The following UNC13B variants were observed in gnomAD, a reference collection of about 807,000 sequenced individuals.
UNC13B encodes the protein unc-13 homolog B, also known as protein unc-13 homolog B.
UNC13B carries 144 observed loss-of-function variants against 211.0 expected under a neutral mutation model. The ratio of observed to expected loss-of-function variants is 0.68; its 90% CI spans 0.60 to 0.78. The LOEUF (loss-of-function observed/expected upper bound fraction) is 0.78, where lower values mean the gene tolerates loss of function less well. UNC13B is among the 30% of genes least tolerant of loss of function. UNC13B has a pLI of 0.00. For missense variants in UNC13B, 1,777 were observed against 2,002.0 expected (o/e 0.89, Z 2.14); for synonymous variants, 709 against 725.8 (o/e 0.98, Z 0.37).
intron 15 of UNC13B, among the ~76,000 whole-genome samples, 173 bp from the exon 16 acceptor site, chr9:35,377,295 A>C (rs1834487173): frequency 3.3e-5 from 5 of 152,224 alleles, no homozygotes; most frequent in Admixed American, 3.3e-4. Context: ...GCCAAAATCC[A>C]TCATGAAGGG....
chr9:35,298,522 G>A (rs766541223), intron 8 of UNC13B, among the ~76,000 whole-genome samples: 3 of 151,576 alleles, frequency 2.0e-5, no homozygotes, highest in Non-Finnish European at 4.4e-5. Context: ...GTCTTGCGTT[G>A]TTGCTCAGGC....
chr9:35,203,526 T>C lies in UNC13B; in HGVS notation c.23-24489T>C, dbSNP rs12237033. Among the ~76,000 whole-genome samples the C allele has an allele frequency of 2.9e-3, 442 of 152,368 alleles. 16 individuals carry two copies. In the East Asian group the frequency reaches 0.065, roughly 23 times the overall value. On this transcript the variant is annotated intron_variant, in intron 1 of 39. Transcript: ENST00000635942. ...CTTGTAGAGTTTCTGCCAAGAGATCTGCTGTTAGTCTGATGGGCTTCCCTT... is the reference window on the plus strand; with the variant it reads ...CTTGTAGAGTTTCTGCCAAGAGATCCGCTGTTAGTCTGATGGGCTTCCCTT...
At chr9:35,214,166 G>A (rs758280156) in intron 1 of UNC13B, among the ~76,000 whole-genome samples, 9 of 152,294 alleles carry the variant, frequency 5.9e-5, no homozygotes, top group Non-Finnish European at 8.8e-5. Flanking sequence ...GGTGGCTCAC[G>A]CATATAATCC....
intron 11 of UNC13B, among the ~76,000 whole-genome samples, chr9:35,357,044 A>G (rs1833069291): frequency 6.6e-6 from 1 of 152,126 alleles, no homozygotes; most frequent in African/African-American, 2.4e-5. Context: ...TGCTATGAAC[A>G]TTTGTATACA....
At chr9:35,327,256 G>A (rs1476580083) in intron 11 of UNC13B, among the ~76,000 whole-genome samples, 1 of 152,088 alleles carries the variant, frequency 6.6e-6, no homozygotes, top group East Asian at 1.9e-4. Context: ...ATATAAAAGG[G>A]ACTTTATTAA....
At chr9:35,192,606 C>T (rs1360985767) in intron 1 of UNC13B, among the ~76,000 whole-genome samples, 1 of 152,142 alleles carries the variant, frequency 6.6e-6, no homozygotes, top group African/African-American at 2.4e-5. Context: ...TAAGGGGGAT[C>T]CTTAGATTGT....
chr9:35,328,903 G>A (rs1392081517), intron 11 of UNC13B, among the ~76,000 whole-genome samples: 1 of 151,760 alleles, frequency 6.6e-6, no homozygotes, highest in African/African-American at 2.4e-5. Context: ...GAGTAGCTGG[G>A]ACTACAGGCG....
At chr9:35,264,148 A>G (rs997131728) in intron 7 of UNC13B, among the ~76,000 whole-genome samples, 2 of 152,172 alleles carry the variant, frequency 1.3e-5, no homozygotes, top group African/African-American at 2.4e-5. Context: ...TGAAGGGGTT[A>G]TTGTTAGAAA....
chr9:35,400,006 A>G (rs1564200823), intron 36 of UNC13B, among the ~76,000 whole-genome samples: 1 of 152,162 alleles, frequency 6.6e-6, no homozygotes, highest in Non-Finnish European at 1.5e-5. Flanking sequence ...CAGATGGGTA[A>G]AAGAGCACTT....
At chr9:35,291,085 G>A (rs746997044) in intron 7 of UNC13B, 8 of 1,550,282 alleles carry the variant, frequency 5.2e-6, no homozygotes, top group Non-Finnish European at 6.1e-6. Context: ...GGACCTATTT[G>A]GGCTGGGGAG....
chr9:35,314,547 CT>C (rs925086675), intron 11 of UNC13B, among the ~76,000 whole-genome samples: 3 of 152,082 alleles, frequency 2.0e-5, no homozygotes, highest in South Asian at 4.2e-4. Flanking sequence ...GCAGAAGGTA[CT>C]TTTTTTTCCA....
Position 35,386,237 on chromosome 9 carries a change from A to T in UNC13B, c.11038A>T (p.Thr3680Ser). The T allele has an allele frequency of 6.2e-7, 1 of 1,614,198 alleles. No homozygotes were observed. Among genetic ancestry groups the T allele is most frequent in the South Asian group, 1.1e-5 (1 of 91,080 alleles). The change falls in exon 24 of 40, where the codon ACA becomes TCA. Residue 3680 changes from threonine (T) to serine (S), a missense_variant. Physicochemically the swap from Thr to Ser is moderately conservative, Grantham distance 58. Transcript: ENST00000635942. ...TTGTGTGAAGGCCTGTTTGAACTCC[A>T]CATATGAATATATCTTCAACAACTG... ...KDCVKACLNSTYEYIFNNCHD... is the reference protein window; with the variant it reads ...KDCVKACLNSSYEYIFNNCHD...
chr9:35,318,973 G>A (rs1336383520), intron 11 of UNC13B, among the ~76,000 whole-genome samples: 1 of 152,128 alleles, frequency 6.6e-6, no homozygotes, highest in African/African-American at 2.4e-5. Context: ...ATGGTAAAAG[G>A]AAGGGAAAGA....
chr9:35,367,098 T>C, intron 12 of UNC13B, 105 bp downstream of exon 12: 1 of 1,177,156 alleles, frequency 8.5e-7, no homozygotes, highest in Non-Finnish European at 1.3e-6. Context: ...AGCTGCATCC[T>C]GGGGAAGGAA....
chr9:35,194,189 C>T (rs970324723), intron 1 of UNC13B, among the ~76,000 whole-genome samples: 1 of 152,212 alleles, frequency 6.6e-6, no homozygotes, highest in Admixed American at 6.5e-5. Context: ...TCAAAGACGC[C>T]TTCCCTTGAG....
intron 11 of UNC13B, among the ~76,000 whole-genome samples, chr9:35,333,270 A>C (rs1255229332): frequency 1.3e-5 from 2 of 152,168 alleles, no homozygotes; most frequent in Non-Finnish European, 2.9e-5. Context: ...GTGAATAGAG[A>C]AGTGAATGAA....
intron 22 of UNC13B, chr9:35,385,040 C>CT (rs1835101578): frequency 1.0e-6 from 1 of 985,268 alleles, no homozygotes; most frequent in East Asian, 1.1e-4. Flanking sequence ...GGACAGCTGA[C>CT]TGTATATCTT....
At chr9:35,261,739 G>C (rs560382334) in intron 7 of UNC13B, among the ~76,000 whole-genome samples, 1 of 150,996 alleles carries the variant, frequency 6.6e-6, no homozygotes, top group African/African-American at 2.4e-5. Context: ...ATTTTTGTAC[G>C]CATTAACCGT....
chr9:35,397,694 T>C lies in UNC13B; in HGVS notation c.11736T>C (p.Tyr3912=). The change falls in exon 30 of 40, where the codon TAT becomes TAC. Residue 3912 remains tyrosine (Y), a synonymous_variant. Transcript: ENST00000635942. ...TCTTGTCAAAGGACTTCCCAGCCTA[T>C]TGCACAAAGGAGAAACTGGTAGGTT... ...ADILSKDFPA[Y]CTKEKLPCIL... 6.2e-7 allele frequency: 1 copy of C among 1,614,096 alleles called. No individual in the cohort carries two copies. The highest frequency in any genetic ancestry group is 8.5e-7 in the Non-Finnish European group (1 of 1,180,000).
Sources: gnomAD v4.1 joint callset for allele counts (sites outside exome capture counted in the v4.1 genomes callset) on GRCh38, gnomAD v4.1.1 for gene constraint, MANE v1.5 for transcripts, NCBI Gene and HGNC (gene_info 2026-07-23, HGNC 2026-07-21) for gene names.